Variants in MANBA observed in about 807,000 individuals in gnomAD.
MANBA encodes beta-mannosidase.
MANBA carries 83 observed loss-of-function variants against 111.1 expected under a neutral mutation model. The observed-to-expected ratio is 0.75, with a 90% CI of 0.63 to 0.90. MANBA has a LOEUF of 0.90. MANBA is among the 40% of genes least tolerant of loss of function. MANBA has a pLI of 0.00. For synonymous variants in MANBA, 370 were observed against 378.7 expected (o/e 0.98, Z 0.27); for missense variants, 1,036 against 1,069.0 (o/e 0.97, Z 0.43).
intron 7 of MANBA, among the ~76,000 whole-genome samples, chr4:102,683,961 G>A (rs1447468247): frequency 6.6e-6 from 1 of 152,128 alleles, no homozygotes; most frequent in African/African-American, 2.4e-5. Flanking sequence ...ACAAAGAAAT[G>A]TAGTCGGCCC....
intron 5 of MANBA, among the ~76,000 whole-genome samples, chr4:102,695,317 A>G (rs987967960): frequency 6.6e-6 from 1 of 152,222 alleles, no homozygotes; most frequent in Non-Finnish European, 1.5e-5. Context: ...AGAAAAAGGT[A>G]TAAGGAGAGA....
At chr4:102,702,342 C>T (rs1027690530) in intron 5 of MANBA, among the ~76,000 whole-genome samples, 1 of 152,072 alleles carries the variant, frequency 6.6e-6, no homozygotes, top group African/African-American at 2.4e-5. Context: ...CGCCTGAAGC[C>T]TTCTTCTCTC....
At chr4:102,693,901 T>G (rs1732593396) in intron 5 of MANBA, among the ~76,000 whole-genome samples, 1 of 152,210 alleles carries the variant, frequency 6.6e-6, no homozygotes, top group Non-Finnish European at 1.5e-5. Context: ...TTGGCTATTG[T>G]AAAGACTCCC....
chr4:102,759,640 A>T (rs1223660823), intron 1 of MANBA, among the ~76,000 whole-genome samples: 1 of 152,094 alleles, frequency 6.6e-6, no homozygotes, highest in Non-Finnish European at 1.5e-5. Flanking sequence ...TTGTCATGCA[A>T]ATAAACTTAG....
In MANBA at chr4:102,723,087, T is replaced by A. The variant is rs951884684; in HGVS notation, c.379-46A>T. 7.1e-6 allele frequency: 11 copies of A among 1,558,084 alleles called. No homozygotes were observed. In the African/African-American group the frequency reaches 1.4e-4, roughly 19 times the overall value. ...AGACAAACCCATGATGTGGAAGTAG[T>A]CTTGTGTGTAAAATTTTAGATAAAG... is the stretch of plus-strand genomic sequence containing the variant. On this transcript the variant is annotated intron_variant, in intron 3 of 16. Transcript: ENST00000647097.
At chr4:102,673,647 C>T (rs1174827675) in intron 8 of MANBA, among the ~76,000 whole-genome samples, 1 of 151,976 alleles carries the variant, frequency 6.6e-6, no homozygotes, top group African/African-American at 2.4e-5. Context: ...TACTCATTTT[C>T]TTATTTCTCC....
intron 7 of MANBA, among the ~76,000 whole-genome samples, chr4:102,683,697 G>C (rs1451978164): frequency 6.6e-6 from 1 of 151,990 alleles, no homozygotes; most frequent in Non-Finnish European, 1.5e-5. Context: ...TTTTTCTTTT[G>C]TTAAAAAATC....
intron 7 of MANBA, among the ~76,000 whole-genome samples, chr4:102,678,357 G>A (rs193254070): frequency 7.3e-4 from 111 of 152,098 alleles, no homozygotes; most frequent in South Asian, 1.5e-3. Context: ...AATTTTCCAC[G>A]TCCTCTGGCA....
At chr4:102,729,150 T>C (rs1329738312) in intron 1 of MANBA, 5 of 726,136 alleles carry the variant, frequency 6.9e-6, no homozygotes, top group Admixed American at 1.8e-5. Flanking sequence ...GCCAGCCCCC[T>C]GTGCTGCAGA....
At chr4:102,669,310 T>C (rs1731380865) in intron 9 of MANBA, among the ~76,000 whole-genome samples, 1 of 152,046 alleles carries the variant, frequency 6.6e-6, no homozygotes, top group Non-Finnish European at 1.5e-5. Flanking sequence ...TGGAAGAATT[T>C]GAAAAAGAAA....
At position 102,711,298 on chromosome 4, in the gene MANBA, G is replaced by A. The variant is rs553841281; in HGVS notation, c.673+3140C>T. 4.6e-5 allele frequency among the ~76,000 whole-genome samples: 7 copies of A among 152,278 alleles called. No homozygotes were observed. The East Asian group carries it at 1.3e-3, about 29-fold the overall frequency. On this transcript the variant is annotated intron_variant, in intron 5 of 16. Transcript: ENST00000647097. ...AGCAAATAACCCCATTTAAAAGTGGGCAAAGGACATGAATAGACATTTCTC... is the reference window on the plus strand; with the variant it reads ...AGCAAATAACCCCATTTAAAAGTGGACAAAGGACATGAATAGACATTTCTC...
chr4:102,651,130 A>G (rs954934847), intron 12 of MANBA, among the ~76,000 whole-genome samples: 4 of 152,046 alleles, frequency 2.6e-5, no homozygotes, highest in Non-Finnish European at 5.9e-5. Context: ...CAATTCTTAA[A>G]TAGGAATAAA....
chr4:102,754,181 A>G (rs540373718), intron 1 of MANBA, among the ~76,000 whole-genome samples: 1 of 152,290 alleles, frequency 6.6e-6, no homozygotes, highest in Non-Finnish European at 1.5e-5. Context: ...TCTAGCACCT[A>G]AGATAAGCAC....
chr4:102,755,731 G>A (rs976908276), intron 1 of MANBA, among the ~76,000 whole-genome samples: 8 of 152,142 alleles, frequency 5.3e-5, no homozygotes, highest in Non-Finnish European at 1.2e-4. Context: ...ATCTGACAAA[G>A]GGCTAATTAA....
intron 7 of MANBA, among the ~76,000 whole-genome samples, chr4:102,684,020 C>T (rs1732097790): frequency 6.6e-6 from 1 of 151,920 alleles, no homozygotes; most frequent in African/African-American, 2.4e-5. Flanking sequence ...CCATACATTT[C>T]TGCTGTATGG....
chr4:102,661,035 C>G (rs1025390905), intron 11 of MANBA, among the ~76,000 whole-genome samples: 1 of 152,122 alleles, frequency 6.6e-6, no homozygotes, highest in African/African-American at 2.4e-5. Context: ...CCAGTCTTCA[C>G]TACCTTCCAT....
chr4:102,692,513 C>T (rs1442848358), intron 5 of MANBA, among the ~76,000 whole-genome samples: 1 of 152,106 alleles, frequency 6.6e-6, no homozygotes, highest in Non-Finnish European at 1.5e-5. Context: ...CAAGATAGAG[C>T]ACTGGGACAG....
rs981185023 is a variant in MANBA at position 102,716,753 on chromosome 4, GA to G, written c.550-2193del. 6.6e-5 allele frequency among the ~76,000 whole-genome samples: 10 copies of G among 152,060 alleles called. No homozygotes were observed. The South Asian group carries it at 1.7e-3, about 25-fold the overall frequency. ...GTTTGGGTCATACATTTTATGGGGG[GA>G]AAAAAAGTAACAAGCACCAGAGGAA... On this transcript the variant is annotated intron_variant, in intron 4 of 16. Coordinates refer to ENST00000647097, the MANE Select transcript of MANBA (RefSeq NM_005908.4).
chr4:102,684,344 G>A (rs1732112993), intron 7 of MANBA, among the ~76,000 whole-genome samples: 1 of 152,170 alleles, frequency 6.6e-6, no homozygotes, highest in African/African-American at 2.4e-5. Context: ...CCAAGTGCTG[G>A]CGAGCATGAG....
Sources: allele counts gnomAD v4.1 joint callset (sites outside exome capture counted in the v4.1 genomes callset), GRCh38; gene constraint gnomAD v4.1.1; transcripts MANE v1.5; gene names NCBI Gene and HGNC (gene_info 2026-07-23, HGNC 2026-07-21).